Variants in IPCEF1 observed in about 807,000 individuals in gnomAD.
IPCEF1 encodes the protein interaction protein for cytohesin exchange factors 1.
IPCEF1 carries 31 observed loss-of-function variants against 50.9 expected under a neutral mutation model. The observed-to-expected ratio is 0.61, with a 90% CI of 0.46 to 0.82. IPCEF1 has a LOEUF of 0.82. IPCEF1 is among the 40% of genes least tolerant of loss of function. IPCEF1 has a pLI of 0.00. For synonymous variants in IPCEF1, 181 were observed against 192.0 expected (o/e 0.94, Z 0.47); for missense variants, 458 against 514.0 (o/e 0.89, Z 1.05).
At position 154,214,219 on chromosome 6, in the gene IPCEF1, T is replaced by C. The variant is rs1024318655; in HGVS notation, c.450A>G (p.Glu150=). The C allele has an allele frequency of 1.3e-6, 2 of 1,596,182 alleles. No homozygotes were observed. Among genetic ancestry groups the C allele is most frequent in the East Asian group, 4.5e-5 (2 of 44,762 alleles). Residue 150 remains glutamate (E), a splice_region_variant and synonymous_variant, in exon 8 of 12, where the codon GAA becomes GAG. Coordinates refer to ENST00000367220, the MANE Select transcript of IPCEF1 (RefSeq NM_001130700.2). The part of the protein sequence containing the change: ...VIHQESTTKD[E]ECYSESEQED... ...TCAGAAATTTAAAATAGAACATACC[T>C]TCATCCTTTGTAGTGGATTCCTGAT... is the stretch of plus-strand genomic sequence containing the variant.
In IPCEF1 at chr6:154,242,910, A is replaced by G. The variant is rs564872496; in HGVS notation, c.246+3681T>C. Among the ~76,000 whole-genome samples the G allele has an allele frequency of 7.2e-5, 11 of 152,250 alleles. No individual in the cohort carries two copies. The South Asian group carries it at 8.3e-4, about 11-fold the overall frequency. On this transcript the variant is annotated intron_variant, in intron 5 of 11. Transcript: ENST00000367220. ...CTCAAAGAAAAGAAAAGAAAAGTAT[A>G]GGCCACTCAGGCAGCAGAGAGAGGA...
intron 9 of IPCEF1, among the ~76,000 whole-genome samples, chr6:154,207,467 T>C (rs564976031): frequency 5.3e-5 from 8 of 152,364 alleles, no homozygotes; most frequent in African/African-American, 1.4e-4. Context: ...TCAAATGACT[T>C]TGGTAGACAA....
At chr6:154,247,815 T>A in intron 3 of IPCEF1, 1 of 251,272 alleles carries the variant, frequency 4.0e-6, no homozygotes, top group East Asian at 7.6e-5. Context: ...CAAAAAATAT[T>A]TCCCCTTTTG....
chr6:154,342,016 C>T (rs542118735), intron 1 of IPCEF1, among the ~76,000 whole-genome samples: 70 of 152,272 alleles, frequency 4.6e-4, no homozygotes, highest in Middle Eastern at 3.4e-3. Flanking sequence ...CATGCAACAT[C>T]CTTTTCCAAA....
At chr6:154,328,555 C>A (rs117315178) in intron 1 of IPCEF1, among the ~76,000 whole-genome samples, 3,208 of 150,648 alleles carry the variant, frequency 0.021, 59 homozygotes, top group Non-Finnish European at 0.033. Context: ...GCCTCGGCAA[C>A]ATAGCAAGAC....
intron 10 of IPCEF1, among the ~76,000 whole-genome samples, chr6:154,189,411 G>A (rs1273168622): frequency 6.6e-6 from 1 of 151,874 alleles, no homozygotes; most frequent in East Asian, 1.9e-4. Flanking sequence ...AGGCATATGT[G>A]GACCAAAATA....
chr6:154,159,213 T>C lies in IPCEF1; in HGVS notation c.*615A>G, dbSNP rs1351046546. The C allele has an allele frequency of 6.5e-6, 1 of 152,914 alleles. No individual in the cohort carries two copies. The highest frequency in any genetic ancestry group is 1.9e-4 in the East Asian group (1 of 5,200). The allele number at this position is 152,914 out of a possible 1,614,324, so 9.5% of individuals were successfully genotyped here. On this transcript the variant is annotated 3_prime_UTR_variant, in exon 12 of 12. Transcript: ENST00000367220. ...TGAAAACACCAAGCTGTCCTTTGAA[T>C]GAGTGGAATATGGAACACGCCTCCT... is the stretch of plus-strand genomic sequence containing the variant.
chr6:154,323,026 A>T (rs1783428629), intron 1 of IPCEF1, among the ~76,000 whole-genome samples: 1 of 152,200 alleles, frequency 6.6e-6, no homozygotes, highest in African/African-American at 2.4e-5. Flanking sequence ...GAATTTCATT[A>T]ATCTTTTTCG....
chr6:154,249,223 C>T (rs1781277105), intron 3 of IPCEF1, among the ~76,000 whole-genome samples: 1 of 152,310 alleles, frequency 6.6e-6, no homozygotes, highest in East Asian at 1.9e-4. Context: ...CCACACTGAC[C>T]TGTCTTGTGT....
At position 154,221,337 on chromosome 6, in the gene IPCEF1, AG is replaced by A; in HGVS notation, c.321-10del. 1 of 1,612,896 alleles carries A rather than the reference AG, an allele frequency of 6.2e-7. No homozygotes were observed. The highest frequency in any genetic ancestry group is 2.2e-5 in the East Asian group (1 of 44,816). On this transcript the variant is annotated splice_polypyrimidine_tract_variant and intron_variant, in intron 6 of 11. Coordinates refer to ENST00000367220, the MANE Select transcript of IPCEF1 (RefSeq NM_001130700.2). ...GGCTGATCTTAAAAGCACTTGAAGG[AG>A]GAAAAGCACAAACACATAAAAAATT... is the stretch of plus-strand genomic sequence containing the variant.
Position 154,224,774 on chromosome 6 carries a change from T to C in IPCEF1, c.247-1531A>G, listed in dbSNP as rs113363265. Reference sequence around the variant, plus strand: ...CAATTCTAATGGGCACTCTCTTCTTTAAACATTATATATGCATATGTGTGT... The same window carrying C: ...CAATTCTAATGGGCACTCTCTTCTTCAAACATTATATATGCATATGTGTGT... On this transcript the variant is annotated intron_variant, in intron 5 of 11. Coordinates refer to ENST00000367220, the MANE Select transcript of IPCEF1 (RefSeq NM_001130700.2). Among the ~76,000 whole-genome samples, 269 of 152,294 alleles carry C rather than the reference T, an allele frequency of 1.8e-3. 2 individuals are homozygous for C. Among genetic ancestry groups the C allele is most frequent in the African/African-American group, 6.2e-3 (258 of 41,562 alleles).
intron 2 of IPCEF1, among the ~76,000 whole-genome samples, chr6:154,276,502 C>T (rs77440051): frequency 2.0e-5 from 3 of 152,196 alleles, no homozygotes; most frequent in Non-Finnish European, 4.4e-5. Context: ...TTTGGCAGAA[C>T]TGTTGCAAAC....
At chr6:154,184,190 T>C (rs1469801739) in intron 10 of IPCEF1, among the ~76,000 whole-genome samples, 2 of 151,762 alleles carry the variant, frequency 1.3e-5, no homozygotes, top group Non-Finnish European at 2.9e-5. Context: ...CACTGAAAAC[T>C]TTCTCTTAAA....
intron 9 of IPCEF1, among the ~76,000 whole-genome samples, chr6:154,200,591 C>A (rs191368898): frequency 4.0e-4 from 61 of 152,046 alleles, no homozygotes; most frequent in African/African-American, 1.3e-3. Flanking sequence ...CTTGGTGGCG[C>A]GCACCTGTAG....
At chr6:154,223,298 T>C in intron 5 of IPCEF1, 55 bp from the exon 6 acceptor site, 2 of 1,324,808 alleles carry the variant, frequency 1.5e-6, no homozygotes, top group Non-Finnish European at 2.1e-6. Context: ...TGGGGATTAG[T>C]GCATTGAGAT....
At chr6:154,169,857 C>A (rs1252885142) in intron 10 of IPCEF1, among the ~76,000 whole-genome samples, 4 of 152,202 alleles carry the variant, frequency 2.6e-5, no homozygotes. Context: ...AGACTCAGTT[C>A]CAAGACTTTG....
chr6:154,286,824 A>G (rs1415508636), intron 2 of IPCEF1, among the ~76,000 whole-genome samples: 2 of 152,250 alleles, frequency 1.3e-5, no homozygotes, highest in African/African-American at 4.8e-5. Context: ...GTTGCTGGGA[A>G]TAAAGGCCAG....
chr6:154,351,605 T>C (rs1471096239), intron 1 of IPCEF1, among the ~76,000 whole-genome samples: 1 of 152,190 alleles, frequency 6.6e-6, no homozygotes, highest in East Asian at 1.9e-4. Flanking sequence ...AACAAAACCT[T>C]TAACATAAAT....
chr6:154,194,571 C>T (rs760400791), intron 10 of IPCEF1, among the ~76,000 whole-genome samples: 1 of 152,190 alleles, frequency 6.6e-6, no homozygotes. Flanking sequence ...TCTAAGCTTA[C>T]GTACCTCCAA....
Sources: gnomAD v4.1 joint callset for allele counts (sites outside exome capture counted in the v4.1 genomes callset) on GRCh38, gnomAD v4.1.1 for gene constraint, MANE v1.5 for transcripts, NCBI Gene and HGNC (gene_info 2026-07-23, HGNC 2026-07-21) for gene names.